The following CSNK1G3 variants were observed in gnomAD, a reference collection of about 807,000 sequenced individuals.
The protein encoded by CSNK1G3 is casein kinase 1 gamma 3.
CSNK1G3 carries 23 observed loss-of-function variants against 64.3 expected under a neutral mutation model. That is an observed-to-expected ratio of 0.36 (90% CI 0.26 to 0.51). CSNK1G3 has a LOEUF of 0.51. Among genes scored for constraint, CSNK1G3 ranks in the 20% least tolerant of loss-of-function variants. The pLI is 0.96. For missense variants in CSNK1G3, 357 were observed against 510.5 expected (o/e 0.70, Z 2.90); for synonymous variants, 158 against 162.2 (o/e 0.97, Z 0.20).
At chr5:123,554,349 A>T (rs984316809) in intron 3 of CSNK1G3, among the ~76,000 whole-genome samples, 1 of 152,196 alleles carries the variant, frequency 6.6e-6, no homozygotes, top group Non-Finnish European at 1.5e-5. Context: ...TTAGAGGTGG[A>T]TTCACAGTAA....
intron 12 of CSNK1G3, among the ~76,000 whole-genome samples, chr5:123,612,715 A>G (rs998527014): frequency 6.6e-6 from 1 of 151,948 alleles, no homozygotes; most frequent in Non-Finnish European, 1.5e-5. Flanking sequence ...TGACCTTGTG[A>G]TCTGCCCACC....
At chr5:123,512,234 G>C (rs1023136717) in exon 1 of CSNK1G3, 4 of 152,198 alleles carry the variant, frequency 2.6e-5, no homozygotes, top group African/African-American at 9.7e-5. Context: ...AAGGATGTTT[G>C]ACCTCCGGAT....
intron 2 of CSNK1G3, among the ~76,000 whole-genome samples, chr5:123,548,031 T>C (rs1220425935): frequency 2.0e-5 from 3 of 152,182 alleles, no homozygotes; most frequent in Non-Finnish European, 2.9e-5. Context: ...ATGGTTAGTA[T>C]TGGCTAAGAA....
chr5:123,614,172 T>C (rs1026403949), intron 12 of CSNK1G3, among the ~76,000 whole-genome samples, 170 bp from the exon 14 acceptor site: 1 of 152,236 alleles, frequency 6.6e-6, no homozygotes, highest in Non-Finnish European at 1.5e-5. Context: ...TGAAACATAA[T>C]AGTAATAGCT....
At position 123,592,252 on chromosome 5, in the gene CSNK1G3, GT is replaced by G. The variant is rs1474430075; in HGVS notation, c.1086+841del. Among the ~76,000 whole-genome samples the G allele has an allele frequency of 3.9e-4, 59 of 151,980 alleles. 2 individuals carry two copies. The highest frequency in any genetic ancestry group is 3.9e-3 in the Admixed American group (59 of 15,236). On this transcript the variant is annotated intron_variant, in intron 10 of 12. Coordinates refer to ENST00000345990, the Ensembl canonical transcript of CSNK1G3. Reference sequence around the variant, plus strand: ...GAATAATATAAAATATGAAGCAGAAGTTTAAAAATAGAGAATTTGAGGAATA... The same window carrying G: ...GAATAATATAAAATATGAAGCAGAAGTTAAAAATAGAGAATTTGAGGAATA...
At chr5:123,614,399 C>G (rs764340855) in exon 13 of CSNK1G3, 3 of 1,612,602 alleles carry the variant, frequency 1.9e-6, no homozygotes, top group East Asian at 4.5e-5. Context: ...ACAAATGACT[C>G]TGGACACAGA....
chr5:123,565,027 A>G (rs1184227092), intron 4 of CSNK1G3, among the ~76,000 whole-genome samples: 1 of 152,202 alleles, frequency 6.6e-6, no homozygotes, highest in East Asian at 1.9e-4. Context: ...AAATATAAAA[A>G]TGTTGCTATA....
In CSNK1G3 at chr5:123,588,337, A is replaced by G. The variant is rs182600640; in HGVS notation, c.760-90A>G. On this transcript the variant is annotated intron_variant, in intron 7 of 12. Coordinates refer to ENST00000345990, the Ensembl canonical transcript of CSNK1G3. ...AGCATTCCTTCTGCCTTGGCCTTCC[A>G]AAGCTCTGTGATTACAGGCTACCGT... The G allele has an allele frequency of 1.9e-3, 2,249 of 1,210,428 alleles. 2 individuals carry two copies. Among genetic ancestry groups the G allele is most frequent in the Admixed American group, 3.2e-3 (180 of 56,776 alleles). The allele number at this position is 1,210,428 out of a possible 1,614,324, so 75.0% of individuals were successfully genotyped here. A position where few individuals can be genotyped will look rare whatever the true frequency, so the allele number is the denominator to read the frequency against.
At chr5:123,534,426 C>T (rs181352020) in intron 1 of CSNK1G3, among the ~76,000 whole-genome samples, 37 of 152,098 alleles carry the variant, frequency 2.4e-4, no homozygotes, top group Non-Finnish European at 3.8e-4. Flanking sequence ...GGATACAAAG[C>T]TTGGGACTTA....
chr5:123,567,700 A>G (rs1787201947), intron 4 of CSNK1G3, among the ~76,000 whole-genome samples: 1 of 152,246 alleles, frequency 6.6e-6, no homozygotes, highest in African/African-American at 2.4e-5. Context: ...TTTGTCTTTC[A>G]CAGTTATCGC....
At chr5:123,608,050 C>G (rs751074969) in intron 12 of CSNK1G3, among the ~76,000 whole-genome samples, 10 of 151,994 alleles carry the variant, frequency 6.6e-5, no homozygotes, top group African/African-American at 1.7e-4. Flanking sequence ...CTGCCCCAGC[C>G]CCCCCAGTAG....
In CSNK1G3 at chr5:123,531,442, C is replaced by T. The variant is rs992263575; in HGVS notation, c.-247-13975C>T. Among the ~76,000 whole-genome samples the T allele has an allele frequency of 9.9e-5, 15 of 152,056 alleles. No homozygotes were observed. The South Asian group carries it at 3.1e-3, about 31-fold the overall frequency. ...TCTGTTCTGTGTTTTGTAGATTCATCAGTGGTCATCAAATTAGAAGTATGC... is the reference window on the plus strand; with the variant it reads ...TCTGTTCTGTGTTTTGTAGATTCATTAGTGGTCATCAAATTAGAAGTATGC... On this transcript the variant is annotated intron_variant, in intron 1 of 12. Coordinates refer to ENST00000345990, the Ensembl canonical transcript of CSNK1G3.
intron 4 of CSNK1G3, among the ~76,000 whole-genome samples, chr5:123,560,805 C>T (rs1477604901): frequency 6.6e-6 from 1 of 151,998 alleles, no homozygotes; most frequent in Non-Finnish European, 1.5e-5. Flanking sequence ...TTTCTGGGGG[C>T]TTGGGGAGAG....
Position 123,595,940 on chromosome 5 carries a change from C to A in CSNK1G3, c.1086+4526C>A, listed in dbSNP as rs551628631. 2.6e-5 allele frequency among the ~76,000 whole-genome samples: 4 copies of A among 151,998 alleles called. No homozygotes were observed. In the East Asian group the frequency reaches 7.7e-4, roughly 29 times the overall value. On this transcript the variant is annotated intron_variant, in intron 10 of 12. Transcript: ENST00000345990. ...AAGTAAGTGAGATAACAAATGTTAT[C>A]CCAGTACATTTCAATTTAGAATTTT...
At chr5:123,609,973 G>T (rs547613228) in intron 12 of CSNK1G3, among the ~76,000 whole-genome samples, 1 of 152,292 alleles carries the variant, frequency 6.6e-6, no homozygotes, top group East Asian at 1.9e-4. Context: ...AGACTGGGAA[G>T]TCCTTTAAAA....
At chr5:123,593,865 A>G (rs557850909) in intron 10 of CSNK1G3, among the ~76,000 whole-genome samples, 3 of 152,244 alleles carry the variant, frequency 2.0e-5, no homozygotes, top group South Asian at 2.1e-4. Flanking sequence ...GTTCTGGCCA[A>G]CAATATGCTT....
At chr5:123,513,214 C>T (rs924849702) in intron 1 of CSNK1G3, among the ~76,000 whole-genome samples, 8 of 152,104 alleles carry the variant, frequency 5.3e-5, no homozygotes, top group African/African-American at 1.7e-4. Flanking sequence ...TCTCATGGTG[C>T]CGGTTTGTTT....
At chr5:123,546,276 G>A (rs1782500428) in intron 2 of CSNK1G3, among the ~76,000 whole-genome samples, 1 of 152,078 alleles carries the variant, frequency 6.6e-6, no homozygotes, top group Admixed American at 6.6e-5. Context: ...TTACATCATT[G>A]TAATTTAATT....
At chr5:123,590,081 C>T (rs1468730063) in intron 8 of CSNK1G3, among the ~76,000 whole-genome samples, 1 of 152,016 alleles carries the variant, frequency 6.6e-6, no homozygotes, top group East Asian at 1.9e-4. Flanking sequence ...TGTGATTAAT[C>T]ATGCATTATT....
Sources: allele counts gnomAD v4.1 joint callset (sites outside exome capture counted in the v4.1 genomes callset), GRCh38; gene constraint gnomAD v4.1.1; transcripts MANE v1.5; gene names NCBI Gene and HGNC (gene_info 2026-07-23, HGNC 2026-07-21).